AGO4: variants seen among roughly 807,000 people sequenced by gnomAD.
The protein encoded by AGO4 is protein argonaute-4.
A neutral mutation model predicts 104.7 loss-of-function variants in AGO4; 33 were observed. The ratio of observed to expected loss-of-function variants is 0.32; its 90% CI spans 0.24 to 0.42. The LOEUF (loss-of-function observed/expected upper bound fraction) is 0.42. AGO4 is among the 10% of genes least tolerant of loss of function. The pLI, the probability that AGO4 is intolerant of heterozygous loss-of-function variation, is 1.00. For synonymous variants in AGO4, 331 were observed against 364.7 expected (o/e 0.91, Z 1.05); for missense variants, 711 against 1,083.4 (o/e 0.66, Z 4.83).
intron 1 of AGO4, among the ~76,000 whole-genome samples, chr1:35,811,472 A>AC (rs1280699099): frequency 1.3e-5 from 2 of 149,334 alleles, no homozygotes; most frequent in Admixed American, 6.7e-5. Context: ...AAAAAAAACA[A>AC]AAAAAAAAAC....
chr1:35,832,414 T>C (rs779922967), intron 10 of AGO4, 23 bp from the exon 11 acceptor site: 283 of 1,553,932 alleles, frequency 1.8e-4, no homozygotes, highest in Non-Finnish European at 2.3e-4. Flanking sequence ...TTCTTCTTCT[T>C]CTTCTTTTTT....
At chr1:35,821,803 T>C (rs892297896) in intron 2 of AGO4, among the ~76,000 whole-genome samples, 1 of 152,162 alleles carries the variant, frequency 6.6e-6, no homozygotes, top group African/African-American at 2.4e-5. Context: ...GGTTGACTTA[T>C]TTGTGTATCA....
intron 15 of AGO4, among the ~76,000 whole-genome samples, chr1:35,842,244 A>AC: frequency 6.6e-6 from 1 of 152,050 alleles, no homozygotes; most frequent in Non-Finnish European, 1.5e-5. Flanking sequence ...GTGAATGATC[A>AC]TTACCACCTG....
intron 16 of AGO4, 64 bp from the exon 17 acceptor site, chr1:35,850,790 A>AC (rs1334540271): frequency 1.3e-5 from 13 of 1,024,916 alleles, no homozygotes; most frequent in Middle Eastern, 2.5e-4. Flanking sequence ...CAAAAAAAAA[A>AC]AAAAAAAAAC....
Position 35,822,709 on chromosome 1 carries a change from C to A in AGO4, c.186-153C>A, listed in dbSNP as rs1643912882. The A allele has an allele frequency of 6.4e-6, 3 of 469,130 alleles. No homozygotes were observed. The South Asian group carries it at 2.8e-4, about 43-fold the overall frequency. The allele number at this position is 469,130 out of a possible 1,614,324, so 29.1% of individuals were successfully genotyped here. A position where few individuals can be genotyped will look rare whatever the true frequency, so the allele number is the denominator to read the frequency against. ...CTTGTTGCTACCTTTCTTTAGTTAA[C>A]TATTTTTTAAAGTACTCGAATCAAT... On this transcript the variant is annotated intron_variant, in intron 2 of 17. Transcript: ENST00000373210.
At chr1:35,843,447 G>A (rs1571304533) in intron 15 of AGO4, among the ~76,000 whole-genome samples, 1 of 152,198 alleles carries the variant, frequency 6.6e-6, no homozygotes, top group East Asian at 1.9e-4. Context: ...TAAAAGGACT[G>A]TCTTAAATTA....
Position 35,841,089 on chromosome 1 carries a change from T to C in AGO4, c.1725-76T>C. Reference sequence around the variant, plus strand: ...TTATAAGGTTATATCTGATTATATCTGGTGATATAATCTTGCTAAACTCAA... The same window carrying C: ...TTATAAGGTTATATCTGATTATATCCGGTGATATAATCTTGCTAAACTCAA... On this transcript the variant is annotated intron_variant, in intron 13 of 17. Transcript: ENST00000373210. This position sits in a 1 kb window ranked among gnomAD's most constrained non-coding sequence, Gnocchi z 4.7. 1 of 1,413,350 alleles carries C rather than the reference T, an allele frequency of 7.1e-7. No homozygotes were observed. The highest frequency in any genetic ancestry group is 1.8e-5 in the Admixed American group (1 of 54,848). 87.6% of individuals were successfully genotyped at this position (1,413,350 alleles called of 1,614,324 possible).
intron 3 of AGO4, 115 bp downstream of exon 3, chr1:35,823,097 T>C: frequency 1.6e-6 from 2 of 1,269,430 alleles, no homozygotes; most frequent in Non-Finnish European, 1.1e-6. Flanking sequence ...GGTGATGATA[T>C]CCTAATTAAC....
chr1:35,832,022 T>C (rs768760067), intron 9 of AGO4, 35 bp from the exon 10 acceptor site: 3 of 1,605,860 alleles, frequency 1.9e-6, no homozygotes, highest in African/African-American at 1.3e-5. Context: ...AGTTACTCTC[T>C]GGTTTTTATA....
intron 13 of AGO4, among the ~76,000 whole-genome samples, chr1:35,838,177 C>T (rs767121997): frequency 2.0e-5 from 3 of 152,094 alleles, no homozygotes; most frequent in East Asian, 1.9e-4. Context: ...CTCAGCCTCC[C>T]GAGTAGCTGG....
intron 11 of AGO4, 34 bp from the exon 12 acceptor site, chr1:35,833,956 G>GA (rs1415838284): frequency 1.3e-5 from 18 of 1,413,736 alleles, no homozygotes; most frequent in South Asian, 5.4e-5. Flanking sequence ...ACTCTGAAAT[G>GA]AAAAAAACCG....
chr1:35,835,006 C>CTTTTTTTTTTT (rs34516326), intron 12 of AGO4, among the ~76,000 whole-genome samples: 1 of 102,974 alleles, frequency 9.7e-6, no homozygotes. Flanking sequence ...CAGTTTTAAA[C>CTTTTTTTTTTT]TTTTTTTTTT....
chr1:35,847,265 GCT>G (rs1240957136), intron 15 of AGO4, among the ~76,000 whole-genome samples: 15 of 148,248 alleles, frequency 1.0e-4, no homozygotes, highest in Admixed American at 1.0e-3. Flanking sequence ...ACTGAGTCTC[GCT>G]CTGTTACCCA....
intron 7 of AGO4, 45 bp downstream of exon 7, chr1:35,826,880 CAGAG>C (rs771877879): frequency 3.1e-5 from 49 of 1,580,648 alleles, no homozygotes; most frequent in Non-Finnish European, 3.8e-5. Flanking sequence ...TTTTTAGTAA[CAGAG>C]GGAGCTACTA....
At position 35,835,984 on chromosome 1, in the gene AGO4, C is replaced by T; in HGVS notation, c.1715C>T (p.Pro572Leu). 1 of 1,611,936 alleles carries T rather than the reference C, an allele frequency of 6.2e-7. No individual in the cohort carries two copies. The highest frequency in any genetic ancestry group is 1.1e-5 in the South Asian group (1 of 90,296). ...KLGGINNVLV[P>L]HQRPSVFQQP... is the part of the protein sequence containing the mutation. ...GGAGGAATTAACAATGTGCTTGTGC[C>T]TCATCAAAGGTAAGATTCTGAATGC... is the stretch of plus-strand genomic sequence containing the variant. Residue 572 changes from proline (P) to leucine (L), a missense_variant, in exon 13 of 18, where the codon CCT becomes CTT. By Grantham distance (98) the Pro-to-Leu change is moderately conservative. Coordinates refer to ENST00000373210, the MANE Select transcript of AGO4 (RefSeq NM_017629.4).
Position 35,826,847 on chromosome 1 carries a change from A to C in AGO4, c.848+12A>C, listed in dbSNP as rs761479523. ...GCCAGTCATCAAACGTATGTTAACC[A>C]CATCTAAAGTAATACAATTACATTT... On this transcript the variant is annotated intron_variant, in intron 7 of 17. Transcript: ENST00000373210. 3 of 1,612,046 alleles carry C rather than the reference A, an allele frequency of 1.9e-6. No homozygotes were observed. The highest frequency in any genetic ancestry group is 1.7e-6 in the Non-Finnish European group (2 of 1,178,880).
chr1:35,837,152 G>A (rs1644333169), intron 13 of AGO4, among the ~76,000 whole-genome samples: 1 of 152,012 alleles, frequency 6.6e-6, no homozygotes, highest in South Asian at 2.1e-4. Context: ...GCATGATCTT[G>A]GTTCACTGCA....
At position 35,808,825 on chromosome 1, in the gene AGO4, C is replaced by CCTA. The variant is rs1425161859; in HGVS notation, c.19+395_19+397dup. On this transcript the variant is annotated intron_variant, in intron 1 of 17. Transcript: ENST00000373210. The surrounding 1 kb of genome is among the most constrained non-coding windows in gnomAD (Gnocchi z 5.2). ...CCAGACCGGGAAAAGGGCCCCGCTGCCTACTACCAGCCGGTAGTCCTGGTT... is the reference window on the plus strand; with the variant it reads ...CCAGACCGGGAAAAGGGCCCCGCTGCCTACTACTACCAGCCGGTAGTCCTGGTT... Among the ~76,000 whole-genome samples, 1 of 152,230 alleles carries CCTA rather than the reference C, an allele frequency of 6.6e-6. No individual in the cohort carries two copies. Among genetic ancestry groups the CCTA allele is most frequent in the Non-Finnish European group, 1.5e-5 (1 of 68,048 alleles).
chr1:35,850,788 AAAAAAAAAAAACAAAAACAAAAAACGAAC>A lies in AGO4; in HGVS notation c.2278-55_2278-27del, dbSNP rs1644680781. The A allele has an allele frequency of 8.1e-6, 8 of 990,348 alleles. No homozygotes were observed. The Admixed American group carries it at 8.7e-5, about 11-fold the overall frequency. The allele number at this position is 990,348 out of a possible 1,614,324, so 61.3% of individuals were successfully genotyped here. A position where few individuals can be genotyped will look rare whatever the true frequency, so the allele number is the denominator to read the frequency against. On this transcript the variant is annotated intron_variant, in intron 16 of 17. Transcript: ENST00000373210. ...AGAGTGAGACTCCATCTCAAAAAAA[AAAAAAAAAAAACAAAAACAAAAAACGAAC>A]AAAAAAAAAACATTAATCATAAAAC...
Sources: gnomAD v4.1 joint callset for allele counts (sites outside exome capture counted in the v4.1 genomes callset) on GRCh38, gnomAD v4.1.1 for gene constraint, Gnocchi (gnomAD v3.1) non-coding constraint, MANE v1.5 for transcripts, NCBI Gene and HGNC (gene_info 2026-07-23, HGNC 2026-07-21) for gene names.